Variants in SLC3A1 observed in about 807,000 individuals in gnomAD.
The protein encoded by SLC3A1 is amino acid transporter heavy chain SLC3A1.
In SLC3A1, 78 loss-of-function variants were observed where a neutral mutation model predicts 60.3. The ratio of observed to expected loss-of-function variants is 1.29; its 90% CI spans 1.08 to 1.56. The LOEUF (loss-of-function observed/expected upper bound fraction) is 1.56, where lower values mean the gene tolerates loss of function less well. SLC3A1 is among the 40% of genes most tolerant of loss of function. SLC3A1 has a pLI of 0.00. For missense variants in SLC3A1, 1,172 were observed against 858.9 expected, an observed-to-expected ratio of 1.36 and a Z score of -4.56; for synonymous variants, 392 against 307.9, an observed-to-expected ratio of 1.27 and a Z score of -2.86.
At chr2:44,319,120 C>G (rs1435487309) in intron 9 of SLC3A1, 2 of 152,516 alleles carry the variant, frequency 1.3e-5, no homozygotes, top group African/African-American at 2.4e-5. Context: ...ATCTTTGTAC[C>G]TGACAAACAG....
chr2:44,280,438 C>T (rs1030117728), intron 1 of SLC3A1, among the ~76,000 whole-genome samples: 4 of 151,926 alleles, frequency 2.6e-5, no homozygotes, highest in African/African-American at 7.3e-5. Flanking sequence ...GGGGTTTTGT[C>T]ATGTTGGCCA....
chr2:44,288,648 A>G (rs564308259), intron 4 of SLC3A1, among the ~76,000 whole-genome samples: 40 of 152,244 alleles, frequency 2.6e-4, no homozygotes, highest in African/African-American at 9.4e-4. Context: ...CCACATTCTC[A>G]CCAACACTTG....
In SLC3A1 at chr2:44,281,547, T is replaced by C. The variant is rs988910319; in HGVS notation, c.765+6T>C. On this transcript the variant is annotated splice_donor_region_variant and intron_variant, in intron 3 of 9. Transcript: ENST00000260649. ...CCATTCCACCCAACAACTGGGTAAG[T>C]ATCAACCTGTCTGACTTACAAAGGG... The C allele has an allele frequency of 3.1e-6, 5 of 1,613,620 alleles. No individual in the cohort carries two copies. The highest frequency in any genetic ancestry group is 4.2e-6 in the Non-Finnish European group (5 of 1,179,652).
chr2:44,316,370 A>T (rs1672453780), intron 9 of SLC3A1: 2 of 152,258 alleles, frequency 1.3e-5, no homozygotes, highest in Non-Finnish European at 2.9e-5. Context: ...AAGACTGTCA[A>T]ACAATGAAAT....
intron 7 of SLC3A1, among the ~76,000 whole-genome samples, chr2:44,306,086 C>A (rs780046746): frequency 1.3e-5 from 2 of 152,174 alleles, no homozygotes; most frequent in Non-Finnish European, 2.9e-5. Flanking sequence ...GTTACTGGTG[C>A]TGTTGTTATT....
At chr2:44,311,093 C>T (rs1199742837) in intron 7 of SLC3A1, among the ~76,000 whole-genome samples, 2 of 151,980 alleles carry the variant, frequency 1.3e-5, no homozygotes, top group African/African-American at 4.8e-5. Flanking sequence ...CAGTGCCTGG[C>T]CTCATTCTTC....
rs1331037157 is a variant in SLC3A1 at position 44,312,787 on chromosome 2, C to T, written c.1500+34C>T. Reference sequence around the variant, plus strand: ...AATACAACTTGACTATTCATCACAGCTATAAAACCAAGTATTCATTTTTTA... The same window carrying T: ...AATACAACTTGACTATTCATCACAGTTATAAAACCAAGTATTCATTTTTTA... On this transcript the variant is annotated intron_variant, in intron 8 of 9. Coordinates refer to ENST00000260649, the MANE Select transcript of SLC3A1 (RefSeq NM_000341.4). 3.2e-6 allele frequency: 5 copies of T among 1,561,228 alleles called. No homozygotes were observed. The Admixed American group carries it at 6.8e-5, about 21-fold the overall frequency.
intron 7 of SLC3A1, among the ~76,000 whole-genome samples, chr2:44,304,740 C>T (rs1486703300): frequency 6.7e-6 from 1 of 150,186 alleles, no homozygotes; most frequent in African/African-American, 2.4e-5. Context: ...GGATGCACTG[C>T]AAAAAGCATT....
At chr2:44,276,247 T>G (rs1363845908) in intron 1 of SLC3A1, among the ~76,000 whole-genome samples, 1 of 152,242 alleles carries the variant, frequency 6.6e-6, no homozygotes, top group African/African-American at 2.4e-5. Flanking sequence ...TCATCAATTC[T>G]AACTTCTTAG....
intron 7 of SLC3A1, among the ~76,000 whole-genome samples, chr2:44,311,201 G>A (rs960707575): frequency 2.0e-5 from 3 of 152,176 alleles, no homozygotes; most frequent in South Asian, 2.1e-4. Flanking sequence ...TCTAGTAAAC[G>A]TCTCACTTTA....
At chr2:44,301,278 G>C in intron 6 of SLC3A1, 151 bp downstream of exon 6, 1 of 966,500 alleles carries the variant, frequency 1.0e-6, no homozygotes, top group Non-Finnish European at 1.6e-6. Flanking sequence ...ACCAGGGCCT[G>C]CCATATTCCT....
chr2:44,300,995 T>C lies in SLC3A1; in HGVS notation c.1012-8T>C. 3 of 1,613,746 alleles carry C rather than the reference T, an allele frequency of 1.9e-6. No homozygotes were observed. The highest frequency in any genetic ancestry group is 2.5e-6 in the Non-Finnish European group (3 of 1,180,002). ...ATGAGGGTAACCATGTCGTCCTGGTTTTCAAAGGACACGGTCACACAATAC... is the reference window on the plus strand; with the variant it reads ...ATGAGGGTAACCATGTCGTCCTGGTCTTCAAAGGACACGGTCACACAATAC... On this transcript the variant is annotated splice_region_variant and splice_polypyrimidine_tract_variant and intron_variant, in intron 5 of 9. Coordinates refer to ENST00000260649, the MANE Select transcript of SLC3A1 (RefSeq NM_000341.4).
Position 44,318,094 on chromosome 2 carries a change from TG to T in SLC3A1, c.1618-2104del, listed in dbSNP as rs781080384. Reference sequence around the variant, plus strand: ...AATAATACTTAAAGGATCTCAACACTGTTTTTTTTTTTTTTTGAGACAGTCT... The same window carrying T: ...AATAATACTTAAAGGATCTCAACACTTTTTTTTTTTTTTTTGAGACAGTCT... On this transcript the variant is annotated intron_variant, in intron 9 of 9. Transcript: ENST00000260649. 3.9e-4 allele frequency: 143 copies of T among 368,300 alleles called. 1 individual carries two copies. The African/African-American group carries it at 5.7e-3, about 15-fold the overall frequency. The allele number at this position is 368,300 out of a possible 1,614,324, so 22.8% of individuals were successfully genotyped here.
At chr2:44,309,642 C>T (rs1672244755) in intron 7 of SLC3A1, among the ~76,000 whole-genome samples, 1 of 152,212 alleles carries the variant, frequency 6.6e-6, no homozygotes, top group Non-Finnish European at 1.5e-5. Context: ...CTGTATCACC[C>T]AGGCTAGAGT....
At chr2:44,305,982 C>G (rs1331979292) in intron 7 of SLC3A1, among the ~76,000 whole-genome samples, 1 of 152,188 alleles carries the variant, frequency 6.6e-6, no homozygotes, top group African/African-American at 2.4e-5. Context: ...GCTTTCCCCA[C>G]TAGACAGTTC....
chr2:44,301,678 G>A (rs1427401517), intron 6 of SLC3A1, among the ~76,000 whole-genome samples: 1 of 142,668 alleles, frequency 7.0e-6, no homozygotes, highest in Non-Finnish European at 1.5e-5. Context: ...AGCAGAGGTT[G>A]CAGCGAGTCA....
chr2:44,314,315 C>T, intron 9 of SLC3A1: 1 of 505,896 alleles, frequency 2.0e-6, no homozygotes, highest in South Asian at 2.3e-5. Flanking sequence ...GATAGGCAGC[C>T]ATGCAGGCAG....
intron 3 of SLC3A1, 101 bp from the exon 4 acceptor site, chr2:44,285,931 A>T: frequency 6.8e-7 from 1 of 1,463,840 alleles, no homozygotes; most frequent in Non-Finnish European, 9.6e-7. Context: ...AACTCTCAGG[A>T]TTTACATACT....
At chr2:44,306,537 A>C (rs1053846456) in intron 7 of SLC3A1, among the ~76,000 whole-genome samples, 1 of 149,022 alleles carries the variant, frequency 6.7e-6, no homozygotes, top group African/African-American at 2.5e-5. Flanking sequence ...GATATAATTC[A>C]CATACCATAA....
Sources: gnomAD v4.1 joint callset for allele counts (sites outside exome capture counted in the v4.1 genomes callset) on GRCh38, gnomAD v4.1.1 for gene constraint, MANE v1.5 for transcripts, NCBI Gene and HGNC (gene_info 2026-07-23, HGNC 2026-07-21) for gene names.